Variants in SLC10A7 observed in about 807,000 individuals in gnomAD.
SLC10A7 encodes sodium/bile acid cotransporter 7.
Under a neutral mutation model 43.2 loss-of-function variants are expected in SLC10A7, and 29 were observed. That is an observed-to-expected ratio of 0.67 (90% CI 0.50 to 0.92). The LOEUF is 0.92. Among genes scored for constraint, SLC10A7 ranks in the 40% least tolerant of loss-of-function variants. The pLI is 0.00. For synonymous variants in SLC10A7, 152 were observed against 144.8 expected, an observed-to-expected ratio of 1.05 and a Z score of -0.35; for missense variants, 295 against 403.2, an observed-to-expected ratio of 0.73 and a Z score of 2.30.
At chr4:146,465,472 A>G (rs1429771101) in intron 4 of SLC10A7, among the ~76,000 whole-genome samples, 3 of 151,598 alleles carry the variant, frequency 2.0e-5, no homozygotes, top group Admixed American at 1.3e-4. Flanking sequence ...TATTCTCTCT[A>G]TCTCTGGGAG....
chr4:146,296,967 G>A lies in SLC10A7; in HGVS notation c.556-2872C>T, dbSNP rs115035651. On this transcript the variant is annotated intron_variant, in intron 7 of 11. Transcript: ENST00000335472. The stretch of plus-strand genomic sequence containing the variant: ...ATTCTCCAAACTTCTTTGCCTTATA[G>A]AAATCTTTAATAACCTTATATGAAA... Among the ~76,000 whole-genome samples the A allele has an allele frequency of 2.8e-3, 428 of 152,146 alleles. 5 individuals carry two copies. Among genetic ancestry groups the A allele is most frequent in the African/African-American group, 9.5e-3 (395 of 41,496 alleles).
chr4:146,270,687 T>C (rs868029361), intron 10 of SLC10A7, among the ~76,000 whole-genome samples: 8 of 152,054 alleles, frequency 5.3e-5, no homozygotes, highest in African/African-American at 1.9e-4. Flanking sequence ...ACTCTGGAGG[T>C]AGACAATTCA....
chr4:146,286,993 G>A (rs1730042905), intron 9 of SLC10A7, among the ~76,000 whole-genome samples: 7 of 151,906 alleles, frequency 4.6e-5, no homozygotes, highest in Admixed American at 3.9e-4. Flanking sequence ...TGTGTTTGGA[G>A]TGGTGAGAAG....
intron 7 of SLC10A7, among the ~76,000 whole-genome samples, chr4:146,295,562 T>C (rs1263778662): frequency 1.3e-5 from 2 of 152,130 alleles, no homozygotes; most frequent in Admixed American, 6.6e-5. Flanking sequence ...CATTATGTAC[T>C]GACATATTAG....
rs182054135 is a variant in SLC10A7 at position 146,459,760 on chromosome 4, C to T, written c.397-16939G>A. 2.2e-4 allele frequency among the ~76,000 whole-genome samples: 33 copies of T among 151,800 alleles called. No homozygotes were observed. The East Asian group carries it at 5.2e-3, about 24-fold the overall frequency. On this transcript the variant is annotated intron_variant, in intron 4 of 11. Coordinates refer to ENST00000335472, the MANE Select transcript of SLC10A7 (RefSeq NM_001029998.6). ...ACATCTTTGTGACTCTGGATTAGGA[C>T]AACATATCTACGTTAGGCTACAAAA... is the stretch of plus-strand genomic sequence containing the variant.
chr4:146,379,506 G>A (rs1489736031), intron 5 of SLC10A7, among the ~76,000 whole-genome samples: 5 of 152,010 alleles, frequency 3.3e-5, no homozygotes, highest in Admixed American at 6.6e-5. Context: ...TTCAAAACTA[G>A]GATAGCTGAT....
chr4:146,420,724 C>T (rs947234747), intron 5 of SLC10A7, among the ~76,000 whole-genome samples: 1 of 151,742 alleles, frequency 6.6e-6, no homozygotes, highest in Non-Finnish European at 1.5e-5. Flanking sequence ...TATTTGGGGG[C>T]TAGATAAGAA....
At chr4:146,361,478 T>C (rs973505587) in intron 5 of SLC10A7, among the ~76,000 whole-genome samples, 1 of 152,108 alleles carries the variant, frequency 6.6e-6, no homozygotes, top group Non-Finnish European at 1.5e-5. Context: ...TCTGCCAGGG[T>C]CATTTATCTA....
chr4:146,275,417 T>C (rs1729145697), intron 10 of SLC10A7, among the ~76,000 whole-genome samples: 1 of 152,190 alleles, frequency 6.6e-6, no homozygotes, highest in African/African-American at 2.4e-5. Context: ...CACAGGGCTC[T>C]TTCTGCAGAA....
At chr4:146,275,671 G>T (rs1295287151) in intron 10 of SLC10A7, among the ~76,000 whole-genome samples, 2 of 152,154 alleles carry the variant, frequency 1.3e-5, no homozygotes, top group Non-Finnish European at 2.9e-5. Flanking sequence ...AGGAGATAAG[G>T]TATTCCAGCA....
rs186428823 is a variant in SLC10A7, at chr4:146,423,635, T to C, written c.435+19148A>G. Among the ~76,000 whole-genome samples the C allele has an allele frequency of 1.8e-3, 274 of 152,288 alleles. 1 individual carries two copies. Among genetic ancestry groups the C allele is most frequent in the African/African-American group, 6.4e-3 (266 of 41,566 alleles). ...GAAGAAAAAGAAACCCAACTAACAA[T>C]GGTTGGTAATTTCAACAGTGAAGAG... On this transcript the variant is annotated intron_variant, in intron 5 of 11. Coordinates refer to ENST00000335472, the MANE Select transcript of SLC10A7 (RefSeq NM_001029998.6).
intron 4 of SLC10A7, among the ~76,000 whole-genome samples, chr4:146,473,371 C>T (rs1326390894): frequency 6.6e-6 from 1 of 152,014 alleles, no homozygotes; most frequent in Non-Finnish European, 1.5e-5. Context: ...CTGCTTAGTT[C>T]CTAGAATGTT....
At chr4:146,284,555 C>T (rs1356021973) in intron 9 of SLC10A7, among the ~76,000 whole-genome samples, 1 of 152,074 alleles carries the variant, frequency 6.6e-6, no homozygotes, top group Non-Finnish European at 1.5e-5. Context: ...AAAAGGCATG[C>T]ATGTTTCTGC....
chr4:146,289,551 A>C lies in SLC10A7; in HGVS notation c.773+3378T>G, dbSNP rs538158941. Among the ~76,000 whole-genome samples, 6 of 151,708 alleles carry C rather than the reference A, an allele frequency of 4.0e-5. No individual in the cohort carries two copies. In the South Asian group the frequency reaches 1.3e-3, roughly 32 times the overall value. ...TGTGTGTGTTGCTTATTTTTTTTTA[A>C]ATTTGCAGTTTCCCAAAGTTGCAGA... On this transcript the variant is annotated intron_variant, in intron 9 of 11. Coordinates refer to ENST00000335472, the MANE Select transcript of SLC10A7 (RefSeq NM_001029998.6).
At position 146,459,759 on chromosome 4, in the gene SLC10A7, A is replaced by C. The variant is rs542783147; in HGVS notation, c.397-16938T>G. Among the ~76,000 whole-genome samples, 53 of 151,992 alleles carry C rather than the reference A, an allele frequency of 3.5e-4. 1 individual carries two copies. In the South Asian group the frequency reaches 0.011, roughly 31 times the overall value. Reference sequence around the variant, plus strand: ...AACATCTTTGTGACTCTGGATTAGGACAACATATCTACGTTAGGCTACAAA... The same window carrying C: ...AACATCTTTGTGACTCTGGATTAGGCCAACATATCTACGTTAGGCTACAAA... On this transcript the variant is annotated intron_variant, in intron 4 of 11. Coordinates refer to ENST00000335472, the MANE Select transcript of SLC10A7 (RefSeq NM_001029998.6).
intron 3 of SLC10A7, 32 bp from the exon 4 acceptor site, chr4:146,503,956 A>T: frequency 6.3e-7 from 1 of 1,578,860 alleles, no homozygotes; most frequent in South Asian, 1.1e-5. Context: ...AACTATAAAT[A>T]ATTTTATAAT....
At chr4:146,518,642 T>A (rs965972386) in intron 1 of SLC10A7, among the ~76,000 whole-genome samples, 6 of 152,058 alleles carry the variant, frequency 3.9e-5, no homozygotes, top group Admixed American at 2.6e-4. Context: ...CAAGTTAAGA[T>A]GAGGTCTTAT....
chr4:146,463,409 A>G (rs1351358905), intron 4 of SLC10A7, among the ~76,000 whole-genome samples: 2 of 152,150 alleles, frequency 1.3e-5, no homozygotes. Context: ...TATCTTACAA[A>G]TGTCCATACG....
chr4:146,370,095 T>C (rs1280347252), intron 5 of SLC10A7, among the ~76,000 whole-genome samples: 1 of 152,104 alleles, frequency 6.6e-6, no homozygotes, highest in Admixed American at 6.6e-5. Flanking sequence ...TGATAGAGAA[T>C]TATTTCTGGC....
Sources: allele counts gnomAD v4.1 joint callset (sites outside exome capture counted in the v4.1 genomes callset), GRCh38; gene constraint gnomAD v4.1.1; transcripts MANE v1.5; gene names NCBI Gene and HGNC (gene_info 2026-07-23, HGNC 2026-07-21).